Variants in RGPD2 observed in about 807,000 individuals in gnomAD.
RGPD2 encodes the protein RANBP2 like and GRIP domain containing 2, also known as RANBP2-like and GRIP domain-containing protein 2.
A neutral mutation model predicts 36.0 loss-of-function variants in RGPD2; 2 were observed. The ratio of observed to expected loss-of-function variants is 0.06; its 90% CI spans 0.02 to 0.17. RGPD2 has a LOEUF of 0.17. Ranked by LOEUF, RGPD2 falls within the 10% of genes least tolerant of loss-of-function variation. RGPD2 has a pLI of 1.00. For missense variants in RGPD2, 40 were observed against 464.3 expected, an observed-to-expected ratio of 0.09 and a Z score of 8.40; for synonymous variants, 19 against 163.8, an observed-to-expected ratio of 0.12 and a Z score of 6.75.
At chr2:87,825,861 C>G (rs1380019763), upstream of RGPD2, 7 of 1,166,492 alleles carry the variant, frequency 6.0e-6, no homozygotes, top group East Asian at 2.2e-4. Flanking sequence ...CACTTGTGTA[C>G]TGCGTCAGCA....
chr2:87,978,546 G>A, the RGPD2 span, among the ~76,000 whole-genome samples: 107 of 89,402 alleles, frequency 1.2e-3, 1 homozygote, highest in African/African-American at 3.7e-3. Context: ...GATTACAGGC[G>A]TGAATTTTCA....
the RGPD2 span, among the ~76,000 whole-genome samples, chr2:87,915,560 A>ATATATACACATATATGTGTGTG: frequency 2.1e-5 from 3 of 140,170 alleles, no homozygotes; most frequent in Non-Finnish European, 3.2e-5. Flanking sequence ...GTATGTGTAT[A>ATATATACACATATATGTGTGTG]TATATACACA....
At chr2:87,777,636 A>C (rs1409104213) in intron 20 of RGPD2, among the ~76,000 whole-genome samples, 1 of 151,928 alleles carries the variant, frequency 6.6e-6, no homozygotes, top group African/African-American at 2.4e-5. Context: ...TTGCCTAGCA[A>C]GACTTTCCTG....
chr2:87,924,429 G>T, the RGPD2 span, among the ~76,000 whole-genome samples: 1 of 149,782 alleles, frequency 6.7e-6, no homozygotes, highest in African/African-American at 2.5e-5. Context: ...GAGCAGTGAG[G>T]ATTCTCAGCT....
chr2:87,760,742 C>T (rs1192306351), intron 22 of RGPD2, among the ~76,000 whole-genome samples: 1 of 34,050 alleles, frequency 2.9e-5, no homozygotes, highest in Non-Finnish European at 6.0e-5. Flanking sequence ...CTCAGTCTCC[C>T]GAGTAGCTGG....
the RGPD2 span, among the ~76,000 whole-genome samples, chr2:87,957,319 C>T: frequency 6.9e-6 from 1 of 145,668 alleles, no homozygotes; most frequent in South Asian, 2.2e-4. Flanking sequence ...TTTCTGCCAG[C>T]CACATGAAGA....
chr2:87,863,856 G>A, the RGPD2 span, among the ~76,000 whole-genome samples: 698 of 152,190 alleles, frequency 4.6e-3, 6 homozygotes, highest in African/African-American at 0.015. Context: ...TTAAGTTACG[G>A]GATGTCAGGA....
At chr2:87,882,454 A>G in the RGPD2 span, among the ~76,000 whole-genome samples, 2 of 152,234 alleles carry the variant, frequency 1.3e-5, no homozygotes, top group African/African-American at 2.4e-5. Context: ...ACATTAATCA[A>G]CGTGTCTATT....
At chr2:87,805,847 G>A (rs1242141290) in intron 7 of RGPD2, among the ~76,000 whole-genome samples, 115 of 139,084 alleles carry the variant, frequency 8.3e-4, no homozygotes, top group African/African-American at 3.0e-3. Context: ...GCGACAGAGC[G>A]AGACTCCGTC....
the RGPD2 span, among the ~76,000 whole-genome samples, chr2:87,847,594 G>A: frequency 6.6e-6 from 1 of 151,166 alleles, no homozygotes; most frequent in Non-Finnish European, 1.5e-5. Context: ...CGCGTCCAGG[G>A]TTCAAGTGAT....
At chr2:87,905,605 G>A in the RGPD2 span, among the ~76,000 whole-genome samples, 3 of 151,596 alleles carry the variant, frequency 2.0e-5, no homozygotes, top group African/African-American at 4.8e-5. Context: ...TACCAATTCC[G>A]ATGATGAGGA....
the RGPD2 span, among the ~76,000 whole-genome samples, chr2:87,857,207 AG>A: frequency 6.6e-6 from 1 of 152,274 alleles, no homozygotes; most frequent in Non-Finnish European, 1.5e-5. Context: ...TTCATAGCAT[AG>A]ATTAGGAAAA....
chr2:87,825,499 AGGCCGAGGCCGAGGCCGCCGCCCGGCC>A (rs1686721313), intron 1 of RGPD2, among the ~76,000 whole-genome samples, 132 bp downstream of exon 1: 8 of 43,466 alleles, frequency 1.8e-4, no homozygotes, highest in African/African-American at 7.6e-4. Context: ...CGCCCGGCCG[AGGCCGAGGCCGAGGCCGCCGCCCGGCC>A]GAGGCCGAGG....
intron 4 of RGPD2, among the ~76,000 whole-genome samples, chr2:87,813,085 A>T (rs1686163899): frequency 6.6e-6 from 1 of 152,208 alleles, no homozygotes. Flanking sequence ...ACCACATGAC[A>T]AGTTCCCTTC....
At chr2:87,888,059 CAAG>C in the RGPD2 span, among the ~76,000 whole-genome samples, 1 of 149,410 alleles carries the variant, frequency 6.7e-6, no homozygotes, top group Non-Finnish European at 1.5e-5. Flanking sequence ...ATTAAAATGA[CAAG>C]GAGAATTTTA....
the RGPD2 span, among the ~76,000 whole-genome samples, chr2:87,885,361 T>G: frequency 6.6e-6 from 1 of 152,076 alleles, no homozygotes; most frequent in Non-Finnish European, 1.5e-5. Context: ...CTCAACATAA[T>G]AAAGACTATA....
the RGPD2 span, among the ~76,000 whole-genome samples, chr2:87,888,466 A>G: frequency 8.1e-6 from 1 of 123,692 alleles, no homozygotes; most frequent in African/African-American, 3.1e-5. Context: ...AAATACTAGT[A>G]AAAACATTGG....
chr2:87,959,524 CCTA>C, the RGPD2 span, among the ~76,000 whole-genome samples: 1 of 67,224 alleles, frequency 1.5e-5, no homozygotes, highest in Non-Finnish European at 3.1e-5. Context: ...ATCATAGAAA[CCTA>C]CTGTGATGTC....
the RGPD2 span, among the ~76,000 whole-genome samples, chr2:87,897,596 A>G: frequency 6.6e-6 from 1 of 151,114 alleles, no homozygotes; most frequent in Non-Finnish European, 1.5e-5. Context: ...CCCAGTATAC[A>G]TTAGCTGTTT....
Sources: gnomAD v4.1 joint callset for allele counts (sites outside exome capture counted in the v4.1 genomes callset) on GRCh38, gnomAD v4.1.1 for gene constraint, MANE v1.5 for transcripts, NCBI Gene and HGNC (gene_info 2026-07-23, HGNC 2026-07-21) for gene names.